The following SDK2 variants were observed in gnomAD, a reference collection of about 807,000 sequenced individuals.
SDK2 encodes the protein protein sidekick-2.
In SDK2, 105 loss-of-function variants were observed where a neutral mutation model predicts 253.9. The observed-to-expected ratio is 0.41, with a 90% CI of 0.35 to 0.49. The LOEUF is 0.49. Ranked by LOEUF, SDK2 falls within the 20% of genes least tolerant of loss-of-function variation. SDK2 has a pLI of 0.06. For synonymous variants in SDK2, 1,249 were observed against 1,234.9 expected, an observed-to-expected ratio of 1.01 and a Z score of -0.24; for missense variants, 2,608 against 3,003.0, an observed-to-expected ratio of 0.87 and a Z score of 3.07.
Position 73,337,699 on chromosome 17 carries a change from T to C in SDK2, c.*888A>G, listed in dbSNP as rs1568355194. 6.6e-6 allele frequency: 1 copy of C among 152,286 alleles called. No homozygotes were observed. Among genetic ancestry groups the C allele is most frequent in the Non-Finnish European group, 1.5e-5 (1 of 68,102 alleles). The allele number at this position is 152,286 out of a possible 1,614,324, so 9.4% of individuals were successfully genotyped here. ...CATTCTTATCTTGCCCACAATGCGT[T>C]AAACCTAATCATCCCACAGTGCCAA... On this transcript the variant is annotated 3_prime_UTR_variant, in exon 45 of 45. Transcript: ENST00000392650.
intron 4 of SDK2, among the ~76,000 whole-genome samples, chr17:73,452,697 T>C (rs758007897): frequency 6.6e-6 from 1 of 152,166 alleles, no homozygotes; most frequent in Non-Finnish European, 1.5e-5. Context: ...TGGCAGACAT[T>C]GCTAATCAAT....
intron 1 of SDK2, among the ~76,000 whole-genome samples, chr17:73,626,536 G>A (rs373861474): frequency 6.6e-6 from 1 of 152,196 alleles, no homozygotes; most frequent in Non-Finnish European, 1.5e-5. Context: ...GCAAGTTCCA[G>A]CTCAGACAAG....
intron 1 of SDK2, among the ~76,000 whole-genome samples, chr17:73,557,280 C>CT (rs1467038944): frequency 6.6e-6 from 1 of 151,764 alleles, no homozygotes; most frequent in East Asian, 1.9e-4. Flanking sequence ...ACCTCAAAGG[C>CT]TTTGCAGGAG....
chr17:73,419,285 G>T lies in SDK2; in HGVS notation c.2067C>A (p.Pro689=), dbSNP rs757753465. 3.7e-6 allele frequency: 6 copies of T among 1,612,528 alleles called. No homozygotes were observed. The highest frequency in any genetic ancestry group is 1.1e-5 in the South Asian group (1 of 90,718). Residue 689 remains proline (P), a synonymous_variant, in exon 16 of 45, where the codon CCC becomes CCA. Transcript: ENST00000392650. ...DTERVSLPEE[P]PTAPPQNVIA... ...TGACGTTCTGTGGAGGGGCCGTGGGGGGCTCCTCGGGGAGGGAGACCCTGG... is the reference window on the plus strand; with the variant it reads ...TGACGTTCTGTGGAGGGGCCGTGGGTGGCTCCTCGGGGAGGGAGACCCTGG...
At chr17:73,347,516 A>C (rs1217103387) in intron 44 of SDK2, among the ~76,000 whole-genome samples, 1 of 152,192 alleles carries the variant, frequency 6.6e-6, no homozygotes, top group African/African-American at 2.4e-5. Flanking sequence ...GGAGCTGAAC[A>C]AAACAGCAGT....
At chr17:73,358,344 G>T in intron 39 of SDK2, 140 bp from the exon 40 acceptor site, 1 of 1,112,574 alleles carries the variant, frequency 9.0e-7, no homozygotes, top group Non-Finnish European at 1.3e-6. Context: ...CAAATGTCGC[G>T]GCCTGAGAGT....
chr17:73,435,539 C>A lies in SDK2; in HGVS notation c.1106G>T (p.Gly369Val), dbSNP rs369697758. 1.3e-6 allele frequency: 2 copies of A among 1,597,270 alleles called. No individual in the cohort carries two copies. Among genetic ancestry groups the A allele is most frequent in the African/African-American group, 2.7e-5 (2 of 74,510 alleles). Residue 369 changes from glycine (G) to valine (V), a missense_variant, in exon 9 of 45, where the codon GGC (glycine) becomes GTC (valine). By Grantham distance (109) the Gly-to-Val change is moderately radical (BLOSUM62 -3). Transcript: ENST00000392650. This position sits in a 1 kb window ranked among gnomAD's most constrained non-coding sequence, Gnocchi z 5.7. ...QRNDGGLQIS[G>V]LVPDDTGMFQ... Reference sequence around the variant, plus strand: ...CATGCCGGTATCATCGGGCACCAGGCCGCTGATCTGCAGGCCCCCGTCGTT... The same window carrying A: ...CATGCCGGTATCATCGGGCACCAGGACGCTGATCTGCAGGCCCCCGTCGTT...
intron 9 of SDK2, among the ~76,000 whole-genome samples, chr17:73,434,389 G>A (rs1049711699): frequency 5.3e-5 from 8 of 152,210 alleles, no homozygotes; most frequent in African/African-American, 1.7e-4. Context: ...CCAGATGGGC[G>A]TGGGAACAGA....
At chr17:73,414,157 C>A (rs1388882250) in intron 18 of SDK2, among the ~76,000 whole-genome samples, 1 of 151,744 alleles carries the variant, frequency 6.6e-6, no homozygotes, top group East Asian at 1.9e-4. Context: ...AAGTGATTCT[C>A]CTGCCTCAGC....
chr17:73,526,452 T>C (rs1356230024), intron 1 of SDK2, among the ~76,000 whole-genome samples: 3 of 152,160 alleles, frequency 2.0e-5, no homozygotes, highest in Admixed American at 2.0e-4. Context: ...AATATCTGCT[T>C]TGGAGGAGAA....
intron 2 of SDK2, among the ~76,000 whole-genome samples, chr17:73,493,194 G>C (rs1186381474): frequency 6.6e-6 from 1 of 152,190 alleles, no homozygotes; most frequent in African/African-American, 2.4e-5. Context: ...GTTAACCAGG[G>C]ATTCAGGCCA....
Position 73,495,382 on chromosome 17 carries a change from G to C in SDK2, c.224+12056C>G, listed in dbSNP as rs145324759. 5.1e-3 allele frequency among the ~76,000 whole-genome samples: 774 copies of C among 152,330 alleles called. 4 individuals carry two copies. The highest frequency in any genetic ancestry group is 6.1e-3 in the Non-Finnish European group (412 of 68,028). ...AGAAGGTGTCTATTGGGATCTAGGGGTTATAGGCCAGGGCTGCCTCTTAAC... is the reference window on the plus strand; with the variant it reads ...AGAAGGTGTCTATTGGGATCTAGGGCTTATAGGCCAGGGCTGCCTCTTAAC... On this transcript the variant is annotated intron_variant, in intron 2 of 44. Transcript: ENST00000392650.
In SDK2 at chr17:73,447,169, G is replaced by A. The variant is rs1426348910; in HGVS notation, c.613+446C>T. 6.6e-6 allele frequency among the ~76,000 whole-genome samples: 1 copy of A among 152,110 alleles called. No individual in the cohort carries two copies. Among genetic ancestry groups the A allele is most frequent in the Non-Finnish European group, 1.5e-5 (1 of 68,022 alleles). On this transcript the variant is annotated intron_variant, in intron 5 of 44. Transcript: ENST00000392650. The surrounding 1 kb of genome is among the most constrained non-coding windows in gnomAD (Gnocchi z 4.0). Reference sequence around the variant, plus strand: ...GACCACCTGGCTCCCAATATAGACAGCACTTCTTATGTGACAGCCAAGTAG... The same window carrying A: ...GACCACCTGGCTCCCAATATAGACAACACTTCTTATGTGACAGCCAAGTAG...
chr17:73,626,819 T>C (rs1599736391), intron 1 of SDK2, among the ~76,000 whole-genome samples: 1 of 152,084 alleles, frequency 6.6e-6, no homozygotes, highest in Non-Finnish European at 1.5e-5. Flanking sequence ...CAGGGGCTGG[T>C]CTTCGATGTG....
At position 73,365,354 on chromosome 17, in the gene SDK2, T is replaced by C; in HGVS notation, c.5209A>G (p.Thr1737Ala). ...TCCCAGGACACATTCACTGAGGTTG[T>C]GGTCAGCTCACTGAACTTGACCGAG... ...PSSVKFSELT[T>A]TSVNVSWEAP... The change falls in exon 38 of 45, where the codon ACA (threonine) becomes GCA (alanine). Residue 1737 changes from threonine (T) to alanine (A), a missense_variant. By Grantham distance (58) the Thr-to-Ala change is moderately conservative. Transcript: ENST00000392650. 1 of 1,612,520 alleles carries C rather than the reference T, an allele frequency of 6.2e-7. No individual in the cohort carries two copies. The highest frequency in any genetic ancestry group is 8.5e-7 in the Non-Finnish European group (1 of 1,179,326).
chr17:73,452,223 T>C (rs1192002222), intron 4 of SDK2, among the ~76,000 whole-genome samples: 2 of 152,212 alleles, frequency 1.3e-5, no homozygotes, highest in Non-Finnish European at 2.9e-5. Context: ...ATCTCTGCTC[T>C]TGCCCCACCA....
intron 1 of SDK2, among the ~76,000 whole-genome samples, chr17:73,577,052 T>C (rs73351591): frequency 0.19 from 28,506 of 152,126 alleles, 2,952 homozygotes; most frequent in African/African-American, 0.25. Context: ...CCAGGAAGCA[T>C]GTCCCCTATG....
chr17:73,561,015 C>G (rs373451498), intron 1 of SDK2, among the ~76,000 whole-genome samples: 1 of 152,248 alleles, frequency 6.6e-6, no homozygotes, highest in Admixed American at 6.5e-5. Flanking sequence ...AAAATCAGGA[C>G]CCCCTCCTCA....
chr17:73,451,142 T>C (rs1006529391), intron 4 of SDK2, among the ~76,000 whole-genome samples: 2 of 152,216 alleles, frequency 1.3e-5, no homozygotes, highest in Non-Finnish European at 2.9e-5. Context: ...CCCCTTTCTC[T>C]CTGGCAGAGC....
Sources: gnomAD v4.1 joint callset for allele counts (sites outside exome capture counted in the v4.1 genomes callset) on GRCh38, gnomAD v4.1.1 for gene constraint, Gnocchi (gnomAD v3.1) non-coding constraint, MANE v1.5 for transcripts, NCBI Gene and HGNC (gene_info 2026-07-23, HGNC 2026-07-21) for gene names.